Variants in SPPL2B observed in about 807,000 individuals in gnomAD.
SPPL2B encodes signal peptide peptidase-like 2B.
A neutral mutation model predicts 59.7 loss-of-function variants in SPPL2B; 39 were observed. The ratio of observed to expected loss-of-function variants is 0.65; its 90% confidence interval spans 0.51 to 0.85. SPPL2B has a LOEUF of 0.85. Ranked by LOEUF, SPPL2B falls within the 40% of genes least tolerant of loss-of-function variation. The pLI, the probability that SPPL2B is intolerant of heterozygous loss-of-function variation, is 0.00. For synonymous variants in SPPL2B, 419 were observed against 370.8 expected, an observed-to-expected ratio of 1.13 and a Z score of -1.49; for missense variants, 865 against 849.0, an observed-to-expected ratio of 1.02 and a Z score of -0.23.
chr19:2,335,087 G>A (rs1025556452), intron 2 of SPPL2B, among the ~76,000 whole-genome samples: 1 of 152,132 alleles, frequency 6.6e-6, no homozygotes, highest in Non-Finnish European at 1.5e-5. Context: ...TCCTTTCACC[G>A]TCTTCCTGAC....
chr19:2,344,356 G>A lies in SPPL2B; in HGVS notation c.1114-6G>A, dbSNP rs765350526. ...ACGCTCCCTCACTCAACCCCATTCT[G>A]TGCAGAGTGGGAGCAGCATCATGGT... On this transcript the variant is annotated splice_polypyrimidine_tract_variant and splice_region_variant and intron_variant, in intron 10 of 14. Transcript: ENST00000613503. 1.4e-6 allele frequency: 2 copies of A among 1,464,362 alleles called. No homozygotes were observed. The highest frequency in any genetic ancestry group is 2.2e-5 in the Admixed American group (1 of 45,848). The allele number at this position is 1,464,362 out of a possible 1,614,324, so 90.7% of individuals were successfully genotyped here.
intron 3 of SPPL2B, 24 bp downstream of exon 3, chr19:2,337,649 T>C (rs1409469356): frequency 6.6e-7 from 1 of 1,524,492 alleles, no homozygotes; most frequent in African/African-American, 1.4e-5. Flanking sequence ...CGTCCCCCGC[T>C]GGGCCAGCTC....
chr19:2,340,700 A>G (rs1004351288), intron 7 of SPPL2B, among the ~76,000 whole-genome samples, 198 bp from the exon 8 acceptor site: 7 of 152,064 alleles, frequency 4.6e-5, no homozygotes, highest in Non-Finnish European at 1.0e-4. Context: ...CGTGGCCCCC[A>G]GCGCCTGCCC....
chr19:2,334,727 T>G lies in SPPL2B; in HGVS notation c.186+6T>G. 2 of 1,585,298 alleles carry G rather than the reference T, an allele frequency of 1.3e-6. No individual in the cohort carries two copies. The highest frequency in any genetic ancestry group is 1.7e-6 in the Non-Finnish European group (2 of 1,165,384). On this transcript the variant is annotated splice_donor_region_variant and intron_variant, in intron 2 of 14. Transcript: ENST00000613503. Reference sequence around the variant, plus strand: ...CGCACGACCTCAGCAAGGCAGTGAGTACCCGCTGGCCGGGCGCCGCTGCGG... The same window carrying G: ...CGCACGACCTCAGCAAGGCAGTGAGGACCCGCTGGCCGGGCGCCGCTGCGG...
intron 13 of SPPL2B, among the ~76,000 whole-genome samples, chr19:2,348,898 ACACT>A (rs1160480200): frequency 2.8e-5 from 3 of 107,726 alleles, no homozygotes; most frequent in African/African-American, 7.2e-5. Context: ...CTCTCCACAC[ACACT>A]CACGCGCTCT....
intron 13 of SPPL2B, among the ~76,000 whole-genome samples, chr19:2,346,905 C>A (rs1256166425): frequency 6.6e-6 from 1 of 152,208 alleles, no homozygotes; most frequent in Non-Finnish European, 1.5e-5. Flanking sequence ...GTCAGAAATA[C>A]AGAGATGGGT....
intron 6 of SPPL2B, 27 bp downstream of exon 6, chr19:2,339,993 C>A (rs376223700): frequency 6.4e-7 from 1 of 1,552,286 alleles, no homozygotes. Flanking sequence ...GGGTGGGCCG[C>A]GGCGTGGAGA....
chr19:2,340,610 T>G, intron 7 of SPPL2B: 1 of 542,498 alleles, frequency 1.8e-6, no homozygotes, highest in Non-Finnish European at 3.3e-6. Flanking sequence ...CGTCCCTGGG[T>G]GAGGAGGTGG....
rs771505615 is a variant in SPPL2B, at chr19:2,334,558, G to A, written c.67-44G>A. 8.9e-6 allele frequency: 14 copies of A among 1,579,388 alleles called. No individual in the cohort carries two copies. The South Asian group carries it at 1.0e-4, about 12-fold the overall frequency. On this transcript the variant is annotated intron_variant, in intron 1 of 14. Transcript: ENST00000613503. ...GTTTCTCGTGGGGCGGTGCAGCCCC[G>A]CACGTCCCGTGCTGTGGCTCTGACT... is the stretch of plus-strand genomic sequence containing the variant.
intron 2 of SPPL2B, among the ~76,000 whole-genome samples, chr19:2,335,916 T>A (rs1968573385): frequency 6.6e-6 from 1 of 152,244 alleles, no homozygotes; most frequent in Admixed American, 6.5e-5. Flanking sequence ...TGTGTCTGCA[T>A]GTTTATGTGA....
chr19:2,352,134 C>T (rs901969059), intron 14 of SPPL2B, among the ~76,000 whole-genome samples: 3 of 152,034 alleles, frequency 2.0e-5, no homozygotes, highest in Non-Finnish European at 4.4e-5. Context: ...GGAGGGCTTA[C>T]GCCACGTCGG....
intron 13 of SPPL2B, among the ~76,000 whole-genome samples, chr19:2,348,559 A>C (rs1465105624): frequency 7.0e-6 from 1 of 142,336 alleles, no homozygotes; most frequent in African/African-American, 2.6e-5. Context: ...CATTCGCGTG[A>C]TTCCGTTCTC....
intron 3 of SPPL2B, 188 bp from the exon 4 acceptor site, chr19:2,338,564 G>A (rs1354668968): frequency 5.5e-6 from 3 of 550,146 alleles, no homozygotes; most frequent in African/African-American, 3.9e-5. Flanking sequence ...GATGCCCTTC[G>A]GCCTCCCTGT....
At chr19:2,345,358 G>C (rs1969306141) in intron 13 of SPPL2B, 28 bp downstream of exon 13, 1 of 1,599,796 alleles carries the variant, frequency 6.3e-7, no homozygotes, top group East Asian at 2.2e-5. Context: ...GCCCGTGCTG[G>C]CCTCTCTGGC....
intron 13 of SPPL2B, among the ~76,000 whole-genome samples, chr19:2,345,787 G>A (rs1389107889): frequency 3.5e-5 from 5 of 143,826 alleles, no homozygotes; most frequent in Non-Finnish European, 6.0e-5. Context: ...CCCTGGGCCC[G>A]TGCCTCCATC....
chr19:2,334,572 G>A, intron 1 of SPPL2B, 30 bp from the exon 2 acceptor site: 2 of 1,597,594 alleles, frequency 1.3e-6, no homozygotes, highest in Admixed American at 1.7e-5. Flanking sequence ...GTCCCGTGCT[G>A]TGGCTCTGAC....
chr19:2,347,419 C>T (rs370925373), intron 13 of SPPL2B, among the ~76,000 whole-genome samples: 16 of 39,534 alleles, frequency 4.0e-4, no homozygotes, highest in African/African-American at 1.5e-3. Context: ...TCTCATTCGC[C>T]TGATTCCGTT....
At position 2,340,154 on chromosome 19, in the gene SPPL2B, T is replaced by C; in HGVS notation, c.821T>C (p.Leu274Pro). The C allele has an allele frequency of 6.3e-7, 1 of 1,575,402 alleles. No homozygotes were observed. The highest frequency in any genetic ancestry group is 1.8e-5 in the Admixed American group (1 of 55,234). Reference protein sequence around the residue: ...YSCLAPCVRRLPFGKCRIPNN... With the variant: ...YSCLAPCVRRPPFGKCRIPNN... ...TGCCTGGCGCCCTGTGTGCGGCGGC[T>C]GCCCTTCGGCAAGTGCAGGTGAGTC... Residue 274 changes from leucine (L) to proline (P), a missense_variant, in exon 7 of 15, where the codon CTG becomes CCG. Transcript: ENST00000613503.
intron 2 of SPPL2B, among the ~76,000 whole-genome samples, chr19:2,335,947 G>A (rs1364814474): frequency 6.6e-6 from 1 of 152,186 alleles, no homozygotes; most frequent in Non-Finnish European, 1.5e-5. Flanking sequence ...GTGTATGTGT[G>A]CATGTGCCTG....
Sources: gnomAD v4.1 joint callset for allele counts (sites outside exome capture counted in the v4.1 genomes callset) on GRCh38, gnomAD v4.1.1 for gene constraint, MANE v1.5 for transcripts, NCBI Gene and HGNC (gene_info 2026-07-23, HGNC 2026-07-21) for gene names.